Variants in BMAL1 observed in about 807,000 individuals in gnomAD.
The protein encoded by BMAL1 is basic helix-loop-helix ARNT-like protein 1.
the BMAL1 span, among the ~76,000 whole-genome samples, chr11:13,382,819 A>G: frequency 2.6e-5 from 4 of 152,202 alleles, no homozygotes; most frequent in Admixed American, 2.0e-4. Flanking sequence ...CGTTCGTTTT[A>G]TAAGTATGGC....
chr11:13,370,596 A>G, the BMAL1 span, among the ~76,000 whole-genome samples: 1 of 152,076 alleles, frequency 6.6e-6, no homozygotes, highest in Non-Finnish European at 1.5e-5. Flanking sequence ...TCCTGCCACA[A>G]TGAGTCCCAT....
chr11:13,358,374 C>G, the BMAL1 span: 1 of 1,430,180 alleles, frequency 7.0e-7, no homozygotes, highest in Admixed American at 2.6e-5. Flanking sequence ...TTATTTTTGT[C>G]ATCTTTTCTT....
the BMAL1 span, among the ~76,000 whole-genome samples, chr11:13,307,880 T>C: frequency 1.3e-4 from 20 of 152,302 alleles, no homozygotes; most frequent in South Asian, 1.0e-3. Flanking sequence ...ATTCGTCCTT[T>C]TGGCATCATC....
chr11:13,309,093 T>G, the BMAL1 span, among the ~76,000 whole-genome samples: 1 of 152,164 alleles, frequency 6.6e-6, no homozygotes, highest in Non-Finnish European at 1.5e-5. Flanking sequence ...GACATGTATT[T>G]TCTCACAATT....
the BMAL1 span, among the ~76,000 whole-genome samples, chr11:13,329,604 C>G: frequency 6.6e-6 from 1 of 152,222 alleles, no homozygotes; most frequent in Non-Finnish European, 1.5e-5. Flanking sequence ...AGTAGTTTCT[C>G]TCAGCGAGAA....
At chr11:13,379,341 C>A in the BMAL1 span, 1 of 152,134 alleles carries the variant, frequency 6.6e-6, no homozygotes, top group Non-Finnish European at 1.5e-5. Flanking sequence ...ACTGCTGCCG[C>A]TGGATTCTCT....
the BMAL1 span, among the ~76,000 whole-genome samples, chr11:13,366,311 G>T: frequency 6.6e-6 from 1 of 152,122 alleles, no homozygotes; most frequent in Non-Finnish European, 1.5e-5. Context: ...CATATGATAT[G>T]CGTGACTTGC....
the BMAL1 span, among the ~76,000 whole-genome samples, chr11:13,374,488 T>A: frequency 6.8e-3 from 1,033 of 152,272 alleles, 17 homozygotes; most frequent in African/African-American, 0.024. Flanking sequence ...ACTGATCTGA[T>A]TCTCTTTTCC....
the BMAL1 span, chr11:13,366,798 G>A: frequency 3.1e-6 from 5 of 1,605,692 alleles, no homozygotes; most frequent in Non-Finnish European, 4.3e-6. Flanking sequence ...TACCAGAGAG[G>A]CCTCGCATTT....
At chr11:13,307,194 T>C in the BMAL1 span, among the ~76,000 whole-genome samples, 1,005 of 152,266 alleles carry the variant, frequency 6.6e-3, 19 homozygotes, top group African/African-American at 0.023. Flanking sequence ...CTTACTGTAA[T>C]AGATTTTGAA....
chr11:13,343,318 C>T, the BMAL1 span, among the ~76,000 whole-genome samples: 2 of 152,122 alleles, frequency 1.3e-5, no homozygotes, highest in Admixed American at 1.3e-4. Context: ...TCAGATGGTT[C>T]GTGGATATGT....
the BMAL1 span, among the ~76,000 whole-genome samples, chr11:13,288,840 G>T: frequency 1.3e-5 from 2 of 152,168 alleles, no homozygotes; most frequent in African/African-American, 4.8e-5. Context: ...TCTAGAGTGC[G>T]GTGAACATCT....
At chr11:13,342,967 G>A in the BMAL1 span, among the ~76,000 whole-genome samples, 1 of 152,220 alleles carries the variant, frequency 6.6e-6, no homozygotes, top group Admixed American at 6.5e-5. Context: ...TGGTTAATGG[G>A]AAGATAATAA....
At chr11:13,285,326 G>A in the BMAL1 span, among the ~76,000 whole-genome samples, 1 of 152,220 alleles carries the variant, frequency 6.6e-6, no homozygotes, top group Non-Finnish European at 1.5e-5. Flanking sequence ...TGGATGCCTA[G>A]CACTGTTGTG....
At chr11:13,348,044 A>G in the BMAL1 span, among the ~76,000 whole-genome samples, 1 of 152,126 alleles carries the variant, frequency 6.6e-6, no homozygotes, top group Non-Finnish European at 1.5e-5. Flanking sequence ...CAAGCAGAGA[A>G]TGGTCACAGG....
At chr11:13,315,504 C>G in the BMAL1 span, among the ~76,000 whole-genome samples, 1 of 152,138 alleles carries the variant, frequency 6.6e-6, no homozygotes, top group Non-Finnish European at 1.5e-5. Flanking sequence ...CATCATTGTC[C>G]CAAAGACACT....
the BMAL1 span, chr11:13,369,889 G>GCA: frequency 7.8e-7 from 1 of 1,276,950 alleles, no homozygotes; most frequent in Non-Finnish European, 1.1e-6. Flanking sequence ...TCCCAGGACT[G>GCA]CAGACAGGAC....
the BMAL1 span, among the ~76,000 whole-genome samples, chr11:13,329,826 C>T: frequency 1.1e-4 from 17 of 152,010 alleles, no homozygotes; most frequent in African/African-American, 1.9e-4. Context: ...GGCTGGGCAA[C>T]GGTGATCCAA....
chr11:13,282,647 T>G, the BMAL1 span, among the ~76,000 whole-genome samples: 1 of 152,322 alleles, frequency 6.6e-6, no homozygotes, highest in South Asian at 2.1e-4. Flanking sequence ...TTTCTTCATT[T>G]TGTTTTCCTT....
Sources: allele counts gnomAD v4.1 joint callset (sites outside exome capture counted in the v4.1 genomes callset), GRCh38; gene constraint gnomAD v4.1.1; transcripts MANE v1.5; gene names NCBI Gene and HGNC (gene_info 2026-07-23, HGNC 2026-07-21).